FBXO34: variants seen among roughly 807,000 people sequenced by gnomAD.
The protein encoded by FBXO34 is F-box only protein 34.
Under a neutral mutation model 24.5 loss-of-function variants are expected in FBXO34, and 12 were observed. That is an observed-to-expected ratio of 0.49 (90% CI 0.31 to 0.79). The LOEUF is 0.79. Ranked by LOEUF, FBXO34 falls within the 30% of genes least tolerant of loss-of-function variation. FBXO34 has a pLI of 0.04. For missense variants in FBXO34, 823 were observed against 857.7 expected, an observed-to-expected ratio of 0.96 and a Z score of 0.51; for synonymous variants, 320 against 311.9, an observed-to-expected ratio of 1.03 and a Z score of -0.27.
downstream of FBXO34, among the ~76,000 whole-genome samples, chr14:55,374,628 CTGTCCTTTTGCTTA>C (rs1884884924): frequency 6.6e-6 from 1 of 152,142 alleles, no homozygotes; most frequent in South Asian, 2.1e-4. Flanking sequence ...TTATAAAACA[CTGTCCTTTTGCTTA>C]TTTTATAGCT....
the FBXO34 span, chr14:55,436,957 A>G: frequency 1.5e-5 from 24 of 1,614,220 alleles, no homozygotes; most frequent in Non-Finnish European, 2.0e-5. Context: ...TGCATTCAGT[A>G]TGTACATATC....
chr14:55,441,048 G>T, the FBXO34 span, among the ~76,000 whole-genome samples: 1,314 of 152,168 alleles, frequency 8.6e-3, 17 homozygotes, highest in African/African-American at 0.03. Flanking sequence ...GTTTCACCTT[G>T]TTGGTCAGGC....
chr14:55,279,975 G>A (rs1881477371), intron 1 of FBXO34, among the ~76,000 whole-genome samples: 1 of 152,148 alleles, frequency 6.6e-6, no homozygotes, highest in Non-Finnish European at 1.5e-5. Context: ...ACTTTCATTT[G>A]CATTTGCCTT....
chr14:55,299,452 T>C (rs563281871), intron 1 of FBXO34, among the ~76,000 whole-genome samples: 11 of 151,568 alleles, frequency 7.3e-5, no homozygotes, highest in African/African-American at 2.4e-4. Flanking sequence ...GCCTGCTGTT[T>C]ATAATGTTGA....
At chr14:55,358,442 C>G (rs111988008), downstream of FBXO34, among the ~76,000 whole-genome samples, 1 of 152,338 alleles carries the variant, frequency 6.6e-6, no homozygotes, top group African/African-American at 2.4e-5. Flanking sequence ...CACATCCCCT[C>G]CAGCATCCTC....
intron 1 of FBXO34, among the ~76,000 whole-genome samples, chr14:55,281,584 C>T (rs1881544191): frequency 6.6e-6 from 1 of 152,166 alleles, no homozygotes; most frequent in Non-Finnish European, 1.5e-5. Flanking sequence ...TGCAATAAAC[C>T]TGGTATTCAG....
At chr14:55,292,039 C>A (rs1054431783) in intron 1 of FBXO34, among the ~76,000 whole-genome samples, 6 of 152,168 alleles carry the variant, frequency 3.9e-5, no homozygotes, top group Non-Finnish European at 7.4e-5. Flanking sequence ...TGTTTTCTAT[C>A]ACATACATTT....
the FBXO34 span, chr14:55,436,798 T>C: frequency 9.3e-6 from 15 of 1,614,252 alleles, no homozygotes; most frequent in Non-Finnish European, 1.2e-5. Flanking sequence ...GCTTTCAGAA[T>C]TTTCTTCAGT....
chr14:55,409,835 T>C, the FBXO34 span, among the ~76,000 whole-genome samples: 1 of 152,036 alleles, frequency 6.6e-6, no homozygotes, highest in East Asian at 1.9e-4. Context: ...AATGGAGGAG[T>C]AGCATAACTG....
intron 1 of FBXO34, among the ~76,000 whole-genome samples, chr14:55,325,294 A>G (rs1005273071): frequency 6.6e-6 from 1 of 152,188 alleles, no homozygotes; most frequent in Non-Finnish European, 1.5e-5. Flanking sequence ...AGACTGTTGC[A>G]TAGGAACCTT....
chr14:55,318,935 T>C (rs113643948), intron 1 of FBXO34, among the ~76,000 whole-genome samples: 16 of 152,174 alleles, frequency 1.1e-4, no homozygotes, highest in Admixed American at 4.6e-4. Flanking sequence ...TTTCATGTTA[T>C]TGAGTTGGTT....
chr14:55,288,258 A>G (rs947236969), intron 1 of FBXO34, among the ~76,000 whole-genome samples: 2 of 151,964 alleles, frequency 1.3e-5, no homozygotes, highest in South Asian at 2.1e-4. Context: ...GGAAAATCCA[A>G]TTTTTTTTGG....
the FBXO34 span, among the ~76,000 whole-genome samples, chr14:55,416,562 C>T: frequency 6.6e-6 from 1 of 152,172 alleles, no homozygotes; most frequent in African/African-American, 2.4e-5. Flanking sequence ...GTTACTGACA[C>T]ACATAAGAGA....
chr14:55,426,863 G>A, the FBXO34 span, among the ~76,000 whole-genome samples: 17 of 152,308 alleles, frequency 1.1e-4, no homozygotes, highest in South Asian at 2.3e-3. Context: ...TAATAACAAG[G>A]GGCACCTATT....
chr14:55,419,722 C>CAA, the FBXO34 span, among the ~76,000 whole-genome samples: 1 of 152,168 alleles, frequency 6.6e-6, no homozygotes, highest in Admixed American at 6.5e-5. Flanking sequence ...AAATTATTTT[C>CAA]AAAGACCTGC....
chr14:55,324,869 A>G (rs1050796524), intron 1 of FBXO34, among the ~76,000 whole-genome samples: 13 of 152,216 alleles, frequency 8.5e-5, no homozygotes, highest in African/African-American at 3.1e-4. Context: ...ATTTATTTGA[A>G]CAGTCTGGAG....
chr14:55,340,976 T>A (rs1364495625), intron 1 of FBXO34, among the ~76,000 whole-genome samples: 1 of 152,256 alleles, frequency 6.6e-6, no homozygotes, highest in Non-Finnish European at 1.5e-5. Flanking sequence ...AAAATATTTT[T>A]AAAAAATTTA....
the FBXO34 span, among the ~76,000 whole-genome samples, chr14:55,377,059 T>C: frequency 6.6e-5 from 10 of 152,108 alleles, no homozygotes; most frequent in Admixed American, 6.6e-5. Context: ...GATAAGAAAA[T>C]TGTGTGGCCA....
chr14:55,440,724 C>T, the FBXO34 span: 1 of 637,254 alleles, frequency 1.6e-6, no homozygotes, highest in Non-Finnish European at 2.6e-6. Flanking sequence ...CGCCTGGGGG[C>T]AGTCACCCCA....
Sources: gnomAD v4.1 joint callset for allele counts (sites outside exome capture counted in the v4.1 genomes callset) on GRCh38, gnomAD v4.1.1 for gene constraint, MANE v1.5 for transcripts, NCBI Gene and HGNC (gene_info 2026-07-23, HGNC 2026-07-21) for gene names.